DEAF1: variants seen among roughly 807,000 people sequenced by gnomAD.
The protein encoded by DEAF1 is deformed epidermal autoregulatory factor 1 homolog.
A neutral mutation model predicts 58.9 loss-of-function variants in DEAF1; 53 were observed. That is an observed-to-expected ratio of 0.90 (90% CI 0.72 to 1.13). The LOEUF is 1.13. DEAF1 is among the 50% of genes most tolerant of loss of function. The probability of loss-of-function intolerance (pLI) is 0.00; values close to 1 mark genes in which losing one functional copy is unlikely to be tolerated. For missense variants in DEAF1, 685 were observed against 791.4 expected, an observed-to-expected ratio of 0.87 and a Z score of 1.61; for synonymous variants, 385 against 340.4, an observed-to-expected ratio of 1.13 and a Z score of -1.44.
At position 694,814 on chromosome 11, in the gene DEAF1, C is replaced by G; in HGVS notation, c.234G>C (p.Met78Ile). ...VMAAEPGHMDMGAEALPGPDE... is the reference protein window; with the variant it reads ...VMAAEPGHMDIGAEALPGPDE... ...CGGGGCCGGGCAGGGCCTCGGCGCC[C>G]ATGTCCATGTGCCCGGGCTCCGCCG... The change falls in exon 1 of 12, where the codon ATG becomes ATC. Residue 78 changes from methionine (M) to isoleucine (I), a missense_variant. Physicochemically the swap from Met to Ile is conservative, Grantham distance 10. Transcript: ENST00000382409. The G allele has an allele frequency of 2.1e-6, 3 of 1,436,076 alleles. No individual in the cohort carries two copies. Among genetic ancestry groups the G allele is most frequent in the Non-Finnish European group, 2.7e-6 (3 of 1,096,750 alleles). 89.0% of individuals were successfully genotyped at this position (1,436,076 alleles called of 1,614,324 possible). A position where few individuals can be genotyped will look rare whatever the true frequency, so the allele number is the denominator to read the frequency against.
At chr11:705,570 G>C (rs1189044036) in intron 1 of DEAF1, 1 of 154,504 alleles carries the variant, frequency 6.5e-6, no homozygotes, top group South Asian at 2.0e-4. Context: ...GGGCAGAAAG[G>C]GGGGCCTGGA....
At chr11:670,404 T>C (rs1272314288) in intron 10 of DEAF1, among the ~76,000 whole-genome samples, 3 of 17,794 alleles carry the variant, frequency 1.7e-4, no homozygotes, top group African/African-American at 3.4e-4. Flanking sequence ...AAGTATACTT[T>C]TTTTTTTTTT....
At chr11:657,767 C>G (rs1419235474) in intron 10 of DEAF1, among the ~76,000 whole-genome samples, 1 of 152,162 alleles carries the variant, frequency 6.6e-6, no homozygotes, top group Non-Finnish European at 1.5e-5. Flanking sequence ...CAAGACAAGC[C>G]TGGATCGGGG....
At chr11:658,939 A>G (rs375355776) in intron 10 of DEAF1, among the ~76,000 whole-genome samples, 1 of 152,248 alleles carries the variant, frequency 6.6e-6, no homozygotes, top group Non-Finnish European at 1.5e-5. Context: ...TTTTTAAATT[A>G]GACAAATTAC....
At chr11:701,355 A>AT (rs1355488075) in intron 1 of DEAF1, among the ~76,000 whole-genome samples, 1 of 137,390 alleles carries the variant, frequency 7.3e-6, no homozygotes, top group Non-Finnish European at 1.6e-5. Flanking sequence ...CGCCCAGCTA[A>AT]TTTTGTTTTG....
chr11:675,723 G>A (rs1047054768), intron 9 of DEAF1, among the ~76,000 whole-genome samples: 1 of 152,144 alleles, frequency 6.6e-6, no homozygotes, highest in African/African-American at 2.4e-5. Context: ...GGGAGGCTGA[G>A]GCATGAGAAT....
At chr11:694,476 G>C (rs1401319329) in intron 1 of DEAF1, 1 of 328,816 alleles carries the variant, frequency 3.0e-6, no homozygotes, top group Non-Finnish European at 5.5e-6. Context: ...CCTGGAGCAG[G>C]TACGTGGGGA....
In DEAF1 at chr11:704,257, T is replaced by C. The variant is rs1861625649; in HGVS notation, c.-438+2315A>G. The C allele has an allele frequency of 3.8e-5, 28 of 745,284 alleles. No individual in the cohort carries two copies. The South Asian group carries it at 5.0e-4, about 13-fold the overall frequency. The allele number at this position is 745,284 out of a possible 1,614,324, so 46.2% of individuals were successfully genotyped here. A position where few individuals can be genotyped will look rare whatever the true frequency, so the allele number is the denominator to read the frequency against. Reference sequence around the variant, plus strand: ...CCTCGGGCCCTGGCTGCCGGGCGCCTTCCGCTCGGTGGACTCCTGAGGGCA... The same window carrying C: ...CCTCGGGCCCTGGCTGCCGGGCGCCCTCCGCTCGGTGGACTCCTGAGGGCA... On this transcript the variant is annotated intron_variant, in intron 1 of 11. Transcript: ENST00000683307.
chr11:655,349 T>C (rs1213771106), intron 10 of DEAF1, among the ~76,000 whole-genome samples: 1 of 152,088 alleles, frequency 6.6e-6, no homozygotes, highest in Non-Finnish European at 1.5e-5. Flanking sequence ...TGGAATTACA[T>C]TATTGGAGCT....
intron 8 of DEAF1, among the ~76,000 whole-genome samples, 169 bp from the exon 9 acceptor site, chr11:678,991 G>A (rs1052961269): frequency 6.6e-6 from 1 of 152,182 alleles, no homozygotes; most frequent in Admixed American, 6.5e-5. Context: ...TAATAGGATT[G>A]GGGCTATATC....
rs1294220444 is a variant in DEAF1, at chr11:647,882, GGGA to G, written c.1594-3231_1594-3229del. On this transcript the variant is annotated intron_variant, in intron 11 of 11. Coordinates refer to ENST00000382409, the MANE Select transcript of DEAF1 (RefSeq NM_021008.4). ...GGGTGGACTTGACCCAGGCGGTGCT[GGGA>G]GCAGGTGGGTGGACTTGACCCAGGC... is the stretch of plus-strand genomic sequence containing the variant. Among the ~76,000 whole-genome samples the G allele has an allele frequency of 4.2e-3, 504 of 120,446 alleles. 215 individuals are homozygous for G. Among genetic ancestry groups the G allele is most frequent in the Admixed American group, 0.012 (143 of 12,078 alleles). The allele number at this position is 120,446 out of a possible 152,430, so 79.0% of individuals were successfully genotyped here.
intron 10 of DEAF1, among the ~76,000 whole-genome samples, chr11:667,440 G>T (rs995805269): frequency 7.5e-6 from 1 of 133,202 alleles, no homozygotes; most frequent in Non-Finnish European, 1.5e-5. Flanking sequence ...GGAAAGGAAG[G>T]AAGGAAGGAA....
chr11:683,662 A>C (rs1036832661), intron 6 of DEAF1, among the ~76,000 whole-genome samples: 2 of 152,246 alleles, frequency 1.3e-5, no homozygotes, highest in Admixed American at 6.5e-5. Context: ...ATCTAAAAAG[A>C]ATCCTGCTGG....
In DEAF1 at chr11:688,890, C is replaced by G. The variant is rs953943326; in HGVS notation, c.388-430G>C. On this transcript the variant is annotated intron_variant, in intron 2 of 11. Coordinates refer to ENST00000382409, the MANE Select transcript of DEAF1 (RefSeq NM_021008.4). This position sits in a 1 kb window ranked among gnomAD's most constrained non-coding sequence, Gnocchi z 4.3. Reference sequence around the variant, plus strand: ...GCAACTGGAGACCAGGGCCTCAAAACCACATTTCCACACTGGCTGAAGCTG... The same window carrying G: ...GCAACTGGAGACCAGGGCCTCAAAAGCACATTTCCACACTGGCTGAAGCTG... Among the ~76,000 whole-genome samples, 6 of 152,164 alleles carry G rather than the reference C, an allele frequency of 3.9e-5. No individual in the cohort carries two copies. Among genetic ancestry groups the G allele is most frequent in the Non-Finnish European group, 8.8e-5 (6 of 68,026 alleles).
chr11:683,012 G>A (rs1009460806), intron 6 of DEAF1, among the ~76,000 whole-genome samples: 4 of 152,160 alleles, frequency 2.6e-5, no homozygotes, highest in East Asian at 1.9e-4. Flanking sequence ...GGAGCTGGTC[G>A]TAGCTCAAAC....
In DEAF1 at chr11:674,719, C is replaced by G. The variant is rs187523180; in HGVS notation, c.1320G>C (p.Ala440=). The G allele has an allele frequency of 6.2e-7, 1 of 1,613,894 alleles. No individual in the cohort carries two copies. The highest frequency in any genetic ancestry group is 8.5e-7 in the Non-Finnish European group (1 of 1,180,038). ...CTGACAGCTCCAGCCCATTGACCAA[C>G]GCGGGAGGTGCCGCTTTGGTGGGAG... The part of the protein sequence containing the change: ...PPTPTKAAPP[A]LVNGLELSEP... The change falls in exon 10 of 12, where the codon GCG becomes GCC. Residue 440 remains alanine, a synonymous_variant. Coordinates refer to ENST00000382409, the MANE Select transcript of DEAF1 (RefSeq NM_021008.4).
Position 678,833 on chromosome 11 carries a change from G to A in DEAF1, c.1127-11C>T, listed in dbSNP as rs1185055565. ...CGCTGGCCTCTTGGACTGTTGGGGA[G>A]AAAAAGGACAGGGAGGCTCGGGATG... is the stretch of plus-strand genomic sequence containing the variant. On this transcript the variant is annotated splice_polypyrimidine_tract_variant and intron_variant, in intron 8 of 11. Transcript: ENST00000382409. 1.2e-6 allele frequency: 2 copies of A among 1,613,366 alleles called. No individual in the cohort carries two copies. The highest frequency in any genetic ancestry group is 1.7e-5 in the Admixed American group (1 of 59,934).
At position 686,824 on chromosome 11, in the gene DEAF1, G is replaced by C. The variant is rs764869503; in HGVS notation, c.804+34C>G. The C allele has an allele frequency of 5.0e-6, 8 of 1,613,556 alleles. No homozygotes were observed. The South Asian group carries it at 6.6e-5, about 13-fold the overall frequency. On this transcript the variant is annotated intron_variant, in intron 5 of 11. Coordinates refer to ENST00000382409, the MANE Select transcript of DEAF1 (RefSeq NM_021008.4). ...CCTCAGAGGGCCCCACGTCTGAACT[G>C]TGTGCTGAGCACAGGTGAGGTCACG...
Position 687,965 on chromosome 11 carries a change from G to C in DEAF1, c.610C>G (p.Pro204Ala). Residue 204 changes from proline (P) to alanine (A), a missense_variant, in exon 4 of 12, where the codon CCC becomes GCC. By Grantham distance (27) the Pro-to-Ala change is conservative (BLOSUM62 -1). This residue lies in a region of DEAF1 where 132 missense variants were observed against 234.3 expected (regional missense o/e 0.56). Transcript: ENST00000382409. Reference sequence around the variant, plus strand: ...CCGCTGATGTTCCGGCACCGTACGGGCAGCTCACTGTCGTACACAGAAGGG... The same window carrying C: ...CCGCTGATGTTCCGGCACCGTACGGCCAGCTCACTGTCGTACACAGAAGGG... ...WDPSVYDSEL[P>A]VRCRNISGTL... The C allele has an allele frequency of 6.2e-7, 1 of 1,614,098 alleles. No individual in the cohort carries two copies. The highest frequency in any genetic ancestry group is 8.5e-7 in the Non-Finnish European group (1 of 1,180,032).
Sources: gnomAD v4.1 joint callset for allele counts (sites outside exome capture counted in the v4.1 genomes callset) on GRCh38, gnomAD v4.1.1 for gene constraint, gnomAD v4.1.1 regional missense constraint, Gnocchi (gnomAD v3.1) non-coding constraint, MANE v1.5 for transcripts, NCBI Gene and HGNC (gene_info 2026-07-23, HGNC 2026-07-21) for gene names.